DNAJC7: variants seen among roughly 807,000 people sequenced by gnomAD.
DNAJC7 encodes the protein dnaJ homolog subfamily C member 7.
In DNAJC7, 18 loss-of-function variants were observed where a neutral mutation model predicts 67.4. The ratio of observed to expected loss-of-function variants is 0.27; its 90% CI spans 0.18 to 0.40. The LOEUF (loss-of-function observed/expected upper bound fraction) is 0.40. DNAJC7 is among the 10% of genes least tolerant of loss of function. The pLI is 1.00. For synonymous variants in DNAJC7, 220 were observed against 207.8 expected (o/e 1.06, Z -0.50); for missense variants, 419 against 613.8 (o/e 0.68, Z 3.35).
chr17:41,980,856 G>T (rs1422574540), intron 12 of DNAJC7, among the ~76,000 whole-genome samples: 3 of 152,114 alleles, frequency 2.0e-5, no homozygotes, highest in Non-Finnish European at 2.9e-5. Flanking sequence ...CTTTGCAGTG[G>T]GTAAAAAAGA....
At chr17:41,993,898 C>T (rs2051579385) in intron 5 of DNAJC7, among the ~76,000 whole-genome samples, 1 of 145,122 alleles carries the variant, frequency 6.9e-6, no homozygotes, top group Non-Finnish European at 1.5e-5. Context: ...ACAAAATTAG[C>T]CATGCGTGGC....
chr17:41,991,468 T>C (rs1296771981), intron 5 of DNAJC7, among the ~76,000 whole-genome samples: 3 of 152,098 alleles, frequency 2.0e-5, no homozygotes, highest in Non-Finnish European at 4.4e-5. Context: ...GATTTTTTTT[T>C]AAAGGTGCAG....
At chr17:42,017,029 G>T in intron 1 of DNAJC7, 1 of 1,320,962 alleles carries the variant, frequency 7.6e-7, no homozygotes, top group African/African-American at 1.5e-5. Context: ...ACGCCGCGCC[G>T]CTTCCCCCAC....
intron 1 of DNAJC7, 43 bp from the exon 2 acceptor site, chr17:42,000,613 G>GAAT (rs1555649385): frequency 5.6e-6 from 8 of 1,439,296 alleles, no homozygotes; most frequent in South Asian, 2.4e-5. Context: ...TTTACAAAGG[G>GAAT]AATAACCTCT....
At chr17:42,004,527 C>A (rs2051894705) in intron 1 of DNAJC7, among the ~76,000 whole-genome samples, 1 of 152,156 alleles carries the variant, frequency 6.6e-6, no homozygotes, top group Non-Finnish European at 1.5e-5. Flanking sequence ...CCACCTCCAC[C>A]AATCCAGTCT....
intron 12 of DNAJC7, chr17:41,977,626 T>TA: frequency 3.7e-6 from 1 of 268,292 alleles, no homozygotes; most frequent in Non-Finnish European, 7.1e-6. Flanking sequence ...CCATTTGCAC[T>TA]TACACAAGAC....
At chr17:42,016,827 G>T (rs112971299) in intron 1 of DNAJC7, 58 of 472,250 alleles carry the variant, frequency 1.2e-4, no homozygotes, top group African/African-American at 1.1e-3. Context: ...GGATAACCGG[G>T]GGCAACCAGG....
chr17:41,986,678 G>A (rs1197260078), intron 9 of DNAJC7, among the ~76,000 whole-genome samples: 1 of 151,894 alleles, frequency 6.6e-6, no homozygotes, highest in African/African-American at 2.4e-5. Flanking sequence ...GTGTGCCAGT[G>A]GTTTGCAAAG....
At position 42,001,267 on chromosome 17, in the gene DNAJC7, G is replaced by A. The variant is rs1247009569; in HGVS notation, c.78-697C>T. ...CCCTCTTCCCATCACAACAATGTAGGTACTTGCTGCCCTCTTTGTACTCCC... is the reference window on the plus strand; with the variant it reads ...CCCTCTTCCCATCACAACAATGTAGATACTTGCTGCCCTCTTTGTACTCCC... On this transcript the variant is annotated intron_variant, in intron 1 of 13. Coordinates refer to ENST00000457167, the MANE Select transcript of DNAJC7 (RefSeq NM_003315.4). Among the ~76,000 whole-genome samples, 3 of 152,250 alleles carry A rather than the reference G, an allele frequency of 2.0e-5. No individual in the cohort carries two copies. The East Asian group carries it at 5.8e-4, about 29-fold the overall frequency.
chr17:41,986,970 C>T (rs2051400025), intron 9 of DNAJC7, among the ~76,000 whole-genome samples: 1 of 152,100 alleles, frequency 6.6e-6, no homozygotes, highest in African/African-American at 2.4e-5. Flanking sequence ...AGGAGTGGAG[C>T]AGGTGCTGGA....
At chr17:42,007,151 TTAA>T (rs1208610778) in intron 1 of DNAJC7, among the ~76,000 whole-genome samples, 8 of 152,260 alleles carry the variant, frequency 5.3e-5, no homozygotes, top group South Asian at 4.2e-4. Flanking sequence ...CTTTAGGCTA[TTAA>T]TAATAATACT....
chr17:41,977,399 CTG>C, intron 12 of DNAJC7, 76 bp from the exon 13 acceptor site: 1 of 1,320,342 alleles, frequency 7.6e-7, no homozygotes, highest in Non-Finnish European at 1.1e-6. Context: ...ACTGATGACA[CTG>C]AGAACAGATC....
chr17:41,979,320 C>T (rs1324711316), intron 12 of DNAJC7, among the ~76,000 whole-genome samples: 5 of 150,526 alleles, frequency 3.3e-5, no homozygotes, highest in African/African-American at 1.2e-4. Context: ...GCCTGGGTGA[C>T]AGAGTAAGAC....
In DNAJC7 at chr17:41,976,789, G is replaced by A. The variant is rs373424749; in HGVS notation, c.1448-19C>T. 1 of 1,606,490 alleles carries A rather than the reference G, an allele frequency of 6.2e-7. No individual in the cohort carries two copies. The highest frequency in any genetic ancestry group is 8.5e-7 in the Non-Finnish European group (1 of 1,178,300). ...CCAGATGCTGAAAGAGAAAAGAGGG[G>A]TTGGTAGTTGGCTATGGATTTTCTA... On this transcript the variant is annotated intron_variant, in intron 13 of 13. Coordinates refer to ENST00000457167, the MANE Select transcript of DNAJC7 (RefSeq NM_003315.4).
chr17:41,994,681 A>C (rs574951852), intron 5 of DNAJC7, among the ~76,000 whole-genome samples, 189 bp downstream of exon 5: 17 of 152,296 alleles, frequency 1.1e-4, no homozygotes, highest in Non-Finnish European at 2.2e-4. Context: ...ATAGGGCCAA[A>C]TATAATTAAG....
chr17:41,987,804 A>G lies in DNAJC7; in HGVS notation c.1010+15T>C. The G allele has an allele frequency of 6.3e-7, 1 of 1,595,070 alleles. No homozygotes were observed. Among genetic ancestry groups the G allele is most frequent in the South Asian group, 1.1e-5 (1 of 88,708 alleles). On this transcript the variant is annotated intron_variant, in intron 9 of 13. Transcript: ENST00000457167. Reference sequence around the variant, plus strand: ...CGGCAACTCCCTCTTCCCCCTACCCATCAGAGGCACTTACCACTGAGCTCT... The same window carrying G: ...CGGCAACTCCCTCTTCCCCCTACCCGTCAGAGGCACTTACCACTGAGCTCT...
chr17:41,999,368 C>T lies in DNAJC7; in HGVS notation c.166+1114G>A, dbSNP rs371001871. Among the ~76,000 whole-genome samples, 32 of 152,110 alleles carry T rather than the reference C, an allele frequency of 2.1e-4. No individual in the cohort carries two copies. In the East Asian group the frequency reaches 5.6e-3, roughly 27 times the overall value. On this transcript the variant is annotated intron_variant, in intron 2 of 13. Transcript: ENST00000457167. ...AACTCCTGACCTCAGGTGATCCGCC[C>T]GCCTCGGCCTCCCAAAATGCTGGGA...
At chr17:42,007,901 A>G (rs1403292651) in intron 1 of DNAJC7, among the ~76,000 whole-genome samples, 4 of 133,070 alleles carry the variant, frequency 3.0e-5, no homozygotes, top group Non-Finnish European at 6.1e-5. Context: ...GCTGGAGTGC[A>G]ATGGCGTGAT....
At chr17:41,995,663 G>A (rs1344632299) in intron 4 of DNAJC7, among the ~76,000 whole-genome samples, 3 of 152,188 alleles carry the variant, frequency 2.0e-5, no homozygotes, top group Non-Finnish European at 4.4e-5. Context: ...CCAGGTTTGT[G>A]TAAGTATACT....
Sources: allele counts gnomAD v4.1 joint callset (sites outside exome capture counted in the v4.1 genomes callset), GRCh38; gene constraint gnomAD v4.1.1; transcripts MANE v1.5; gene names NCBI Gene and HGNC (gene_info 2026-07-23, HGNC 2026-07-21).